MBOAT2: variants seen among roughly 807,000 people sequenced by gnomAD.
MBOAT2 encodes the protein membrane bound glycerophospholipid O-acyltransferase 2.
MBOAT2 carries 28 observed loss-of-function variants against 63.4 expected under a neutral mutation model. The ratio of observed to expected loss-of-function variants is 0.44; its 90% CI spans 0.33 to 0.61. The LOEUF is 0.61. Ranked by LOEUF, MBOAT2 falls within the 20% of genes least tolerant of loss-of-function variation. The probability of loss-of-function intolerance (pLI) is 0.03; values close to 1 mark genes in which losing one functional copy is unlikely to be tolerated. For synonymous variants in MBOAT2, 211 were observed against 215.6 expected (o/e 0.98, Z 0.19); for missense variants, 470 against 605.8 (o/e 0.78, Z 2.35).
intron 3 of MBOAT2, among the ~76,000 whole-genome samples, chr2:8,915,819 A>G (rs868038941): frequency 6.6e-6 from 1 of 152,314 alleles, no homozygotes; most frequent in Middle Eastern, 3.4e-3. Context: ...TAACAGTCCC[A>G]ATCACTTTTT....
At chr2:8,874,149 C>T (rs1002755574) in intron 7 of MBOAT2, among the ~76,000 whole-genome samples, 1 of 152,216 alleles carries the variant, frequency 6.6e-6, no homozygotes, top group African/African-American at 2.4e-5. Context: ...CACATTTTAA[C>T]ACTTTATATA....
At chr2:8,913,338 A>G (rs1665925773) in intron 3 of MBOAT2, among the ~76,000 whole-genome samples, 1 of 152,202 alleles carries the variant, frequency 6.6e-6, no homozygotes, top group Admixed American at 6.5e-5. Context: ...AATAGTTGGG[A>G]CCTATTTAAA....
intron 3 of MBOAT2, among the ~76,000 whole-genome samples, chr2:8,926,060 G>A (rs1666910173): frequency 6.6e-6 from 1 of 152,166 alleles, no homozygotes; most frequent in Non-Finnish European, 1.5e-5. Flanking sequence ...GGGTGAGAAG[G>A]CAGTGTGGCT....
At chr2:8,863,899 TG>T in intron 10 of MBOAT2, among the ~76,000 whole-genome samples, 1 of 152,210 alleles carries the variant, frequency 6.6e-6, no homozygotes, top group Non-Finnish European at 1.5e-5. Flanking sequence ...AGGATACTGG[TG>T]ACCTCTGACA....
chr2:8,922,207 ATTTG>A (rs1334875245), intron 3 of MBOAT2, among the ~76,000 whole-genome samples: 2 of 152,020 alleles, frequency 1.3e-5, no homozygotes, highest in Non-Finnish European at 2.9e-5. Flanking sequence ...TAGGACCTTC[ATTTG>A]TTTCTTTTTC....
At chr2:8,899,370 T>C (rs1015578101) in intron 4 of MBOAT2, among the ~76,000 whole-genome samples, 6 of 152,230 alleles carry the variant, frequency 3.9e-5, no homozygotes, top group African/African-American at 1.4e-4. Context: ...TTACAGGCTG[T>C]TCCAGGATTC....
Position 8,853,523 on chromosome 2 carries a change from T to G in MBOAT2, c.*5156A>C, listed in dbSNP as rs1660896631. ...GAACGTGAAACAGCTAAGACTCTGG[T>G]GAAAGGCAGTCAGTCACCTTTCCCA... On this transcript the variant is annotated 3_prime_UTR_variant, in exon 13 of 13. Coordinates refer to ENST00000305997, the MANE Select transcript of MBOAT2 (RefSeq NM_138799.4). 1 of 152,368 alleles carries G rather than the reference T, an allele frequency of 6.6e-6. No homozygotes were observed. The highest frequency in any genetic ancestry group is 2.4e-5 in the African/African-American group (1 of 41,588). 9.4% of individuals were successfully genotyped at this position (152,368 alleles called of 1,614,324 possible). A position where few individuals can be genotyped will look rare whatever the true frequency, so the allele number is the denominator to read the frequency against.
chr2:8,912,263 CAT>C (rs1665759773), intron 3 of MBOAT2, among the ~76,000 whole-genome samples: 3 of 134,956 alleles, frequency 2.2e-5, no homozygotes, highest in South Asian at 5.0e-4. Context: ...GACAGACAGA[CAT>C]AGAGAAAGAC....
At chr2:8,956,442 T>C (rs961075094) in intron 2 of MBOAT2, among the ~76,000 whole-genome samples, 12 of 152,330 alleles carry the variant, frequency 7.9e-5, no homozygotes, top group African/African-American at 2.9e-4. Context: ...GGCTCATACC[T>C]GTAATCCCAA....
chr2:8,985,840 T>G (rs1671527185), intron 1 of MBOAT2, among the ~76,000 whole-genome samples: 1 of 152,176 alleles, frequency 6.6e-6, no homozygotes, highest in South Asian at 2.1e-4. Context: ...GAGAGCTTCT[T>G]CAGAGGTAAA....
chr2:8,879,237 C>T (rs1421635395), intron 6 of MBOAT2, among the ~76,000 whole-genome samples: 2 of 152,080 alleles, frequency 1.3e-5, no homozygotes, highest in African/African-American at 4.8e-5. Flanking sequence ...AGGGTAAGTA[C>T]CCTGCAGTCA....
chr2:8,868,300 G>T, intron 9 of MBOAT2, 146 bp downstream of exon 9: 1 of 633,088 alleles, frequency 1.6e-6, no homozygotes. Context: ...CATAGTTGAC[G>T]ACCAATATGT....
chr2:8,956,065 A>G (rs997816992), intron 2 of MBOAT2, among the ~76,000 whole-genome samples: 1 of 151,724 alleles, frequency 6.6e-6, no homozygotes, highest in Non-Finnish European at 1.5e-5. Flanking sequence ...TGGGAAACCA[A>G]AAAAATTTGT....
intron 2 of MBOAT2, among the ~76,000 whole-genome samples, chr2:8,949,040 A>T (rs1020221175): frequency 2.0e-5 from 3 of 152,154 alleles, no homozygotes; most frequent in Admixed American, 6.5e-5. Context: ...TCTGACTGGT[A>T]TGAGATGGTA....
At position 8,854,730 on chromosome 2, in the gene MBOAT2, G is replaced by A. The variant is rs1428870339; in HGVS notation, c.*3949C>T. 6.6e-6 allele frequency: 1 copy of A among 152,176 alleles called. No homozygotes were observed. Among genetic ancestry groups the A allele is most frequent in the Admixed American group, 6.5e-5 (1 of 15,280 alleles). The allele number at this position is 152,176 out of a possible 1,614,324, so 9.4% of individuals were successfully genotyped here. ...CAAGGTATGAACTTTAAATAGGAGAGATTTTTGTCCTAAAACTGTGATCTA... is the reference window on the plus strand; with the variant it reads ...CAAGGTATGAACTTTAAATAGGAGAAATTTTTGTCCTAAAACTGTGATCTA... On this transcript the variant is annotated 3_prime_UTR_variant, in exon 13 of 13. Coordinates refer to ENST00000305997, the MANE Select transcript of MBOAT2 (RefSeq NM_138799.4).
At position 8,862,650 on chromosome 2, in the gene MBOAT2, T is replaced by C; in HGVS notation, c.1125A>G (p.Val375=). 2 of 1,614,172 alleles carry C rather than the reference T, an allele frequency of 1.2e-6. No homozygotes were observed. The highest frequency in any genetic ancestry group is 1.1e-5 in the South Asian group (1 of 91,088). ...TFILSAIWHG[V]YPGYYLTFLT... ...GAAACGTTAGATAATATCCTGGGTA[T>C]ACCCCGTGCCAAATGGCAGAGAGAA... Residue 375 remains valine (V), a synonymous_variant, in exon 11 of 13, where the codon GTA becomes GTG. Transcript: ENST00000305997. This position sits in a 1 kb window ranked among gnomAD's most constrained non-coding sequence, Gnocchi z 4.3.
rs755883588 is a variant in MBOAT2, at chr2:8,858,736, G to T, written c.1506C>A (p.Asn502Lys). Residue 502 changes from asparagine (N) to lysine (K), a missense_variant, in exon 13 of 13, where the codon AAC (asparagine) becomes AAA (lysine). Coordinates refer to ENST00000305997, the MANE Select transcript of MBOAT2 (RefSeq NM_138799.4). Reference sequence around the variant, plus strand: ...TTTCTTGATTCTGATTGCAAACATTGTTTGTTGTAGAAAAACTGTTCTGTC... The same window carrying T: ...TTTCTTGATTCTGATTGCAAACATTTTTTGTTGTAGAAAAACTGTTCTGTC... Reference protein sequence around the residue: ...SLGQNSFSTTNNVCNQNQEIA... With the variant: ...SLGQNSFSTTKNVCNQNQEIA... The T allele has an allele frequency of 6.2e-7, 1 of 1,613,220 alleles. No homozygotes were observed. The highest frequency in any genetic ancestry group is 8.5e-7 in the Non-Finnish European group (1 of 1,179,878).
chr2:8,887,770 C>T (rs975242008), intron 5 of MBOAT2, among the ~76,000 whole-genome samples: 5 of 152,190 alleles, frequency 3.3e-5, no homozygotes, highest in African/African-American at 9.7e-5. Flanking sequence ...ATTATCACTA[C>T]TGTGGGCCAT....
chr2:8,901,280 C>T (rs1664902883), intron 4 of MBOAT2, among the ~76,000 whole-genome samples: 1 of 152,200 alleles, frequency 6.6e-6, no homozygotes, highest in Non-Finnish European at 1.5e-5. Context: ...ACCAGCACAG[C>T]AGCAGAAACA....
Sources: gnomAD v4.1 joint callset for allele counts (sites outside exome capture counted in the v4.1 genomes callset) on GRCh38, gnomAD v4.1.1 for gene constraint, Gnocchi (gnomAD v3.1) non-coding constraint, MANE v1.5 for transcripts, NCBI Gene and HGNC (gene_info 2026-07-23, HGNC 2026-07-21) for gene names.